The following RORA variants were observed in gnomAD, a reference collection of about 807,000 sequenced individuals.
RORA encodes the protein nuclear receptor ROR-alpha.
A neutral mutation model predicts 69.5 loss-of-function variants in RORA; 7 were observed. The observed-to-expected ratio is 0.10, with a 90% CI of 0.06 to 0.19. The LOEUF (loss-of-function observed/expected upper bound fraction) is 0.19. Ranked by LOEUF, RORA falls within the 10% of genes least tolerant of loss-of-function variation. The pLI, the probability that RORA is intolerant of heterozygous loss-of-function variation, is 1.00. For synonymous variants in RORA, 261 were observed against 240.8 expected (o/e 1.08, Z -0.78); for missense variants, 457 against 663.0 (o/e 0.69, Z 3.41).
intron 1 of RORA, among the ~76,000 whole-genome samples, chr15:60,877,003 T>C (rs998768511): frequency 1.3e-5 from 2 of 152,086 alleles, no homozygotes; most frequent in Non-Finnish European, 2.9e-5. Context: ...AACTAATGGG[T>C]ACTGGGCTTA....
chr15:60,561,418 T>A (rs1300661459), intron 2 of RORA, among the ~76,000 whole-genome samples: 2 of 151,898 alleles, frequency 1.3e-5, no homozygotes, highest in African/African-American at 4.8e-5. Flanking sequence ...TGCAAAATAA[T>A]AATAAATAAT....
chr15:60,545,753 A>G (rs930852575), intron 2 of RORA, among the ~76,000 whole-genome samples: 1 of 152,202 alleles, frequency 6.6e-6, no homozygotes, highest in Non-Finnish European at 1.5e-5. Flanking sequence ...AGACACTGCA[A>G]GTTAACCTCA....
intron 1 of RORA, among the ~76,000 whole-genome samples, chr15:60,832,799 G>A (rs555275916): frequency 2.6e-5 from 4 of 152,286 alleles, no homozygotes; most frequent in Middle Eastern, 3.4e-3. Flanking sequence ...ACTGAAGTCC[G>A]AGGCTTTACC....
chr15:61,168,388 C>T (rs1056124369), intron 1 of RORA, among the ~76,000 whole-genome samples: 1 of 151,778 alleles, frequency 6.6e-6, no homozygotes, highest in Non-Finnish European at 1.5e-5. Context: ...ACCACCATGC[C>T]CAACTAATTT....
intron 3 of RORA, chr15:60,529,919 A>C (rs982922600): frequency 2.0e-5 from 3 of 152,208 alleles, no homozygotes; most frequent in African/African-American, 7.2e-5. Flanking sequence ...ATTCAGAGGA[A>C]GCCATCAGTT....
chr15:60,671,315 A>G (rs1378114814), intron 2 of RORA, among the ~76,000 whole-genome samples: 1 of 152,048 alleles, frequency 6.6e-6, no homozygotes, highest in Non-Finnish European at 1.5e-5. Context: ...TGCTGTACGA[A>G]ATATATGTCA....
chr15:61,129,130 T>C (rs1359891906), intron 1 of RORA, among the ~76,000 whole-genome samples: 5 of 152,238 alleles, frequency 3.3e-5, no homozygotes, highest in Non-Finnish European at 7.3e-5. Context: ...TATGGAAATA[T>C]GTCTACTCTT....
At chr15:60,598,151 T>C (rs2068737953) in intron 2 of RORA, among the ~76,000 whole-genome samples, 1 of 152,134 alleles carries the variant, frequency 6.6e-6, no homozygotes, top group African/African-American at 2.4e-5. Context: ...TCAGTAGAGC[T>C]TACAAGTGGA....
At chr15:61,021,526 A>G (rs1479986874) in intron 1 of RORA, among the ~76,000 whole-genome samples, 1 of 152,196 alleles carries the variant, frequency 6.6e-6, no homozygotes, top group Admixed American at 6.5e-5. Context: ...CGTACAAGTG[A>G]GGACATTGAG....
At chr15:60,767,803 C>T (rs2072012937) in intron 1 of RORA, among the ~76,000 whole-genome samples, 1 of 152,208 alleles carries the variant, frequency 6.6e-6, no homozygotes, top group Non-Finnish European at 1.5e-5. Context: ...TGAAGATTTT[C>T]ATGACCCCTG....
At chr15:61,204,694 G>A (rs1347650384) in intron 1 of RORA, among the ~76,000 whole-genome samples, 1 of 152,204 alleles carries the variant, frequency 6.6e-6, no homozygotes. Context: ...TCAGAAAAGT[G>A]AGCACTGTTC....
intron 1 of RORA, among the ~76,000 whole-genome samples, chr15:60,781,535 A>G (rs1247243853): frequency 6.6e-6 from 1 of 152,176 alleles, no homozygotes; most frequent in Non-Finnish European, 1.5e-5. Context: ...CAAGTCATCT[A>G]TTTATCCCCT....
chr15:61,175,962 G>A (rs2079625888), intron 1 of RORA: 1 of 152,124 alleles, frequency 6.6e-6, no homozygotes, highest in Admixed American at 6.6e-5. Flanking sequence ...GCCAACCACA[G>A]GCTTCTGCCC....
At chr15:61,218,500 A>G (rs2080062797) in intron 1 of RORA, among the ~76,000 whole-genome samples, 1 of 152,182 alleles carries the variant, frequency 6.6e-6, no homozygotes, top group Non-Finnish European at 1.5e-5. Context: ...GGAAGAAAAA[A>G]TGATTTATTT....
rs545404362 is a variant in RORA at position 61,132,054 on chromosome 15, T to C, written c.166+96999A>G. 3.9e-5 allele frequency among the ~76,000 whole-genome samples: 6 copies of C among 152,312 alleles called. No individual in the cohort carries two copies. In the South Asian group the frequency reaches 6.2e-4, roughly 16 times the overall value. On this transcript the variant is annotated intron_variant, in intron 1 of 10. Coordinates refer to ENST00000335670, the MANE Select transcript of RORA (RefSeq NM_134261.3). ...CCTCCCTCCCTCTCTCTTTTTAAAA[T>C]AGAAATCAGATTTGCATTCAAGTCT...
In RORA at chr15:60,972,010, C is replaced by A. The variant is rs117957921; in HGVS notation, c.166+257043G>T. On this transcript the variant is annotated intron_variant, in intron 1 of 10. Transcript: ENST00000335670. Reference sequence around the variant, plus strand: ...GGAGAGGAGAGTGGATGGGGTCATGCCTCCCGAATTCATGCTTCAAACACA... The same window carrying A: ...GGAGAGGAGAGTGGATGGGGTCATGACTCCCGAATTCATGCTTCAAACACA... Among the ~76,000 whole-genome samples, 6 of 152,284 alleles carry A rather than the reference C, an allele frequency of 3.9e-5. No individual in the cohort carries two copies. In the East Asian group the frequency reaches 9.7e-4, roughly 24 times the overall value.
chr15:60,592,621 T>A (rs2068563285), intron 2 of RORA: 2 of 1,148,186 alleles, frequency 1.7e-6, no homozygotes, highest in Admixed American at 4.9e-5. Flanking sequence ...CCCCTCCGCT[T>A]CCTCCCGGGG....
intron 1 of RORA, among the ~76,000 whole-genome samples, chr15:61,022,787 A>G (rs1192314256): frequency 2.0e-5 from 3 of 152,176 alleles, no homozygotes; most frequent in East Asian, 3.8e-4. Flanking sequence ...CTGGAGGTAG[A>G]AGAAAATGGT....
intron 1 of RORA, among the ~76,000 whole-genome samples, chr15:61,162,406 G>C (rs2079503349): frequency 6.6e-6 from 1 of 152,100 alleles, no homozygotes; most frequent in Non-Finnish European, 1.5e-5. Flanking sequence ...CTTTAGCCTT[G>C]ACAAAAGGCC....
Sources: gnomAD v4.1 joint callset for allele counts (sites outside exome capture counted in the v4.1 genomes callset) on GRCh38, gnomAD v4.1.1 for gene constraint, MANE v1.5 for transcripts, NCBI Gene and HGNC (gene_info 2026-07-23, HGNC 2026-07-21) for gene names.